NR2F1-AS1: variants seen among roughly 807,000 people sequenced by gnomAD.
The protein encoded by NR2F1-AS1 is NR2F1 antisense RNA 1.
intron 4 of NR2F1-AS1, among the ~76,000 whole-genome samples, chr5:93,419,970 G>C (rs1335996906): frequency 6.6e-6 from 1 of 152,162 alleles, no homozygotes; most frequent in African/African-American, 2.4e-5. Context: ...GCAGAGGTGG[G>C]TGGATCACTT....
At chr5:93,553,325 A>G (rs962195805) in intron 4 of NR2F1-AS1, among the ~76,000 whole-genome samples, 5 of 152,084 alleles carry the variant, frequency 3.3e-5, no homozygotes, top group African/African-American at 4.8e-5. Flanking sequence ...TCTGGCCTCA[A>G]GTGATCTCGC....
At chr5:93,541,112 G>T (rs894795316) in intron 4 of NR2F1-AS1, among the ~76,000 whole-genome samples, 2 of 152,048 alleles carry the variant, frequency 1.3e-5, no homozygotes, top group Non-Finnish European at 2.9e-5. Flanking sequence ...TTTGACTGAG[G>T]TAAGAAATAC....
upstream of NR2F1-AS1, among the ~76,000 whole-genome samples, chr5:93,582,855 G>A (rs1420704382): frequency 6.6e-6 from 1 of 151,458 alleles, no homozygotes; most frequent in East Asian, 1.9e-4. Flanking sequence ...AGCGCAGGGC[G>A]ATCTCAATGT....
At chr5:93,484,064 A>G (rs1212651118) in intron 4 of NR2F1-AS1, among the ~76,000 whole-genome samples, 1 of 152,210 alleles carries the variant, frequency 6.6e-6, no homozygotes, top group Non-Finnish European at 1.5e-5. Context: ...CAACCTAGCA[A>G]GACAGGCCAA....
intron 4 of NR2F1-AS1, among the ~76,000 whole-genome samples, chr5:93,481,412 G>A (rs1295600128): frequency 6.6e-6 from 1 of 151,964 alleles, no homozygotes; most frequent in Non-Finnish European, 1.5e-5. Flanking sequence ...CAGGCTAGAA[G>A]ACAGGACAAT....
At chr5:93,435,195 C>T (rs1408969190) in intron 4 of NR2F1-AS1, among the ~76,000 whole-genome samples, 2 of 152,158 alleles carry the variant, frequency 1.3e-5, no homozygotes, top group Non-Finnish European at 2.9e-5. Flanking sequence ...ATTCCTCCTA[C>T]ATTTATCAGT....
chr5:93,505,329 A>C (rs905957071), intron 4 of NR2F1-AS1, among the ~76,000 whole-genome samples: 1 of 152,120 alleles, frequency 6.6e-6, no homozygotes, highest in African/African-American at 2.4e-5. Flanking sequence ...GCGTGTCTGC[A>C]GCTTTTCCAG....
At chr5:93,583,195 AC>A (rs1753154549), upstream of NR2F1-AS1, 1 of 152,198 alleles carries the variant, frequency 6.6e-6, no homozygotes, top group African/African-American at 2.4e-5. Context: ...TTCACTATAT[AC>A]AGACATTCGC....
intron 4 of NR2F1-AS1, among the ~76,000 whole-genome samples, chr5:93,536,786 T>G (rs1310177765): frequency 6.6e-6 from 1 of 152,248 alleles, no homozygotes; most frequent in Non-Finnish European, 1.5e-5. Context: ...TTTGGCTCTG[T>G]GTCCTCACCC....
chr5:93,422,698 T>A (rs1749113241), intron 4 of NR2F1-AS1, among the ~76,000 whole-genome samples: 2 of 152,212 alleles, frequency 1.3e-5, no homozygotes, highest in Non-Finnish European at 2.9e-5. Context: ...CTGCTTCAAC[T>A]ATTTTTAAAT....
At chr5:93,458,920 G>T (rs1216200102) in intron 4 of NR2F1-AS1, among the ~76,000 whole-genome samples, 1 of 151,980 alleles carries the variant, frequency 6.6e-6, no homozygotes, top group Admixed American at 6.6e-5. Context: ...GCTGAGACAA[G>T]AGAATCGCTT....
upstream of NR2F1-AS1, among the ~76,000 whole-genome samples, chr5:93,581,683 T>C (rs1219150962): frequency 2.2e-5 from 1 of 44,742 alleles, no homozygotes; most frequent in Non-Finnish European, 4.3e-5. Context: ...TCTCTCTCTC[T>C]CTCTCTCTCT....
chr5:93,546,178 G>A (rs1752081610), intron 4 of NR2F1-AS1, among the ~76,000 whole-genome samples: 1 of 152,132 alleles, frequency 6.6e-6, no homozygotes, highest in South Asian at 2.1e-4. Context: ...CATATAAGAA[G>A]TCTTAACCGA....
At chr5:93,568,788 C>G (rs1055967598) in intron 1 of NR2F1-AS1, among the ~76,000 whole-genome samples, 2 of 152,028 alleles carry the variant, frequency 1.3e-5, no homozygotes, top group Non-Finnish European at 2.9e-5. Context: ...TACATTGTTG[C>G]TGCTACTGAT....
intron 2 of NR2F1-AS1, among the ~76,000 whole-genome samples, chr5:93,559,297 T>C (rs1368295179): frequency 6.6e-6 from 1 of 152,180 alleles, no homozygotes; most frequent in African/African-American, 2.4e-5. Flanking sequence ...GCTTCAGTCA[T>C]TTTCTGTGTA....
At chr5:93,412,497 T>C (rs1748877704) in intron 4 of NR2F1-AS1, among the ~76,000 whole-genome samples, 1 of 152,212 alleles carries the variant, frequency 6.6e-6, no homozygotes, top group African/African-American at 2.4e-5. Flanking sequence ...AGACTGGAAT[T>C]CTATATTTGA....
intron 4 of NR2F1-AS1, among the ~76,000 whole-genome samples, chr5:93,472,660 A>G (rs1245036410): frequency 6.6e-6 from 1 of 151,748 alleles, no homozygotes. Context: ...TCACATATAT[A>G]CAAAAAAAAC....
chr5:93,462,980 T>A (rs926270219), intron 4 of NR2F1-AS1, among the ~76,000 whole-genome samples: 11 of 152,170 alleles, frequency 7.2e-5, no homozygotes, highest in East Asian at 3.9e-4. Flanking sequence ...AAAACCCCAT[T>A]TTCTGAGGAG....
At chr5:93,542,857 A>C (rs2149906854) in intron 4 of NR2F1-AS1, 1 of 152,380 alleles carries the variant, frequency 6.6e-6, no homozygotes, top group Non-Finnish European at 1.5e-5. Context: ...CTCTGCATTA[A>C]GTTAGACCTC....
Sources: gnomAD v4.1 joint callset for allele counts (sites outside exome capture counted in the v4.1 genomes callset) on GRCh38, gnomAD v4.1.1 for gene constraint, MANE v1.5 for transcripts, NCBI Gene and HGNC (gene_info 2026-07-23, HGNC 2026-07-21) for gene names.